VPS13B: variants seen among roughly 807,000 people sequenced by gnomAD.
VPS13B encodes intermembrane lipid transfer protein VPS13B.
A neutral mutation model predicts 426.4 loss-of-function variants in VPS13B; 285 were observed. The observed-to-expected ratio is 0.67, with a 90% CI of 0.61 to 0.74. VPS13B has a LOEUF of 0.74. Ranked by LOEUF, VPS13B falls within the 30% of genes least tolerant of loss-of-function variation. VPS13B has a pLI of 0.00. For missense variants in VPS13B, 4,537 were observed against 4,782.6 expected (o/e 0.95, Z 1.51); for synonymous variants, 1,676 against 1,676.4 (o/e 1.00, Z 0.01).
chr8:99,505,770 C>T (rs1439545522), intron 27 of VPS13B, among the ~76,000 whole-genome samples: 1 of 152,056 alleles, frequency 6.6e-6, no homozygotes, highest in African/African-American at 2.4e-5. Flanking sequence ...TGTAAGGCTG[C>T]CACAGACCTT....
At chr8:99,718,679 T>C (rs1472519677) in intron 37 of VPS13B, among the ~76,000 whole-genome samples, 1 of 151,912 alleles carries the variant, frequency 6.6e-6, no homozygotes, top group Non-Finnish European at 1.5e-5. Context: ...TTCTTTTTTT[T>C]TTTTTGAGAC....
chr8:99,038,678 ACTTT>A, intron 3 of VPS13B, 112 bp downstream of exon 3: 4 of 463,550 alleles, frequency 8.6e-6, no homozygotes, highest in South Asian at 3.5e-5. Context: ...TAGCTTATAT[ACTTT>A]TTTTTTTTTT....
intron 17 of VPS13B, among the ~76,000 whole-genome samples, chr8:99,207,522 G>A (rs1186931316): frequency 6.6e-6 from 1 of 152,112 alleles, no homozygotes; most frequent in Non-Finnish European, 1.5e-5. Flanking sequence ...GTACAGAGTA[G>A]ATTTGAGAAA....
At chr8:99,181,111 T>C (rs958585074) in intron 16 of VPS13B, among the ~76,000 whole-genome samples, 1 of 152,164 alleles carries the variant, frequency 6.6e-6, no homozygotes, top group Non-Finnish European at 1.5e-5. Flanking sequence ...TTAGTTATGA[T>C]AAAATGGAAA....
intron 28 of VPS13B, chr8:99,507,976 A>G (rs1821589098): frequency 4.4e-6 from 7 of 1,606,872 alleles, no homozygotes; most frequent in Non-Finnish European, 6.0e-6. Context: ...AAGGAATTGA[A>G]TGATTCATAG....
At chr8:99,418,459 CTTTCTTTCTT>C (rs1239408753) in intron 21 of VPS13B, among the ~76,000 whole-genome samples, 11 of 37,476 alleles carry the variant, frequency 2.9e-4, no homozygotes, top group African/African-American at 9.0e-4. Context: ...TCATAGTTTT[CTTTCTTTCTT>C]TCTTTCTTTC....
At chr8:99,828,398 T>G (rs1461911754) in intron 51 of VPS13B, among the ~76,000 whole-genome samples, 30 of 34,802 alleles carry the variant, frequency 8.6e-4, no homozygotes, top group East Asian at 4.8e-3. Context: ...ACCACCGTTT[T>G]TTTTTTTTTT....
intron 33 of VPS13B, among the ~76,000 whole-genome samples, chr8:99,587,030 T>C (rs908335113): frequency 6.6e-6 from 1 of 152,088 alleles, no homozygotes; most frequent in African/African-American, 2.4e-5. Flanking sequence ...TGTCCAAGTG[T>C]TCTCATTGTT....
At chr8:99,412,333 T>C (rs1404319171) in intron 21 of VPS13B, among the ~76,000 whole-genome samples, 2 of 152,256 alleles carry the variant, frequency 1.3e-5, no homozygotes, top group South Asian at 2.1e-4. Flanking sequence ...TTAGTATCAA[T>C]TGTGAATGGG....
chr8:99,632,012 C>G (rs1345728443), intron 33 of VPS13B, among the ~76,000 whole-genome samples: 2 of 151,620 alleles, frequency 1.3e-5, no homozygotes, highest in Non-Finnish European at 2.9e-5. Context: ...ATATTATTAA[C>G]CAAATAATAT....
At chr8:99,821,760 A>G (rs1297038959) in intron 50 of VPS13B, among the ~76,000 whole-genome samples, 1 of 152,198 alleles carries the variant, frequency 6.6e-6, no homozygotes, top group African/African-American at 2.4e-5. Flanking sequence ...GGAGAAAATG[A>G]ACTTACTCCA....
At chr8:99,210,202 C>G (rs988897108) in intron 17 of VPS13B, among the ~76,000 whole-genome samples, 4 of 152,146 alleles carry the variant, frequency 2.6e-5, no homozygotes, top group African/African-American at 7.2e-5. Context: ...TTACTTCTAC[C>G]TGTATTATGC....
intron 19 of VPS13B, among the ~76,000 whole-genome samples, chr8:99,357,676 A>G (rs1438050813): frequency 6.6e-6 from 1 of 152,082 alleles, no homozygotes; most frequent in Non-Finnish European, 1.5e-5. Context: ...TTGATCCCCC[A>G]TTTTAGTACT....
intron 19 of VPS13B, among the ~76,000 whole-genome samples, chr8:99,283,759 C>T (rs111669639): frequency 2.0e-5 from 3 of 152,060 alleles, no homozygotes; most frequent in African/African-American, 4.8e-5. Context: ...AAAGATGTTA[C>T]GCATAAAAGT....
chr8:99,669,449 A>T (rs1290801390), intron 35 of VPS13B, among the ~76,000 whole-genome samples: 1 of 152,148 alleles, frequency 6.6e-6, no homozygotes, highest in African/African-American at 2.4e-5. Flanking sequence ...AAATGACAAC[A>T]AAGAACAAAA....
chr8:99,241,845 T>C (rs187792997), intron 17 of VPS13B, among the ~76,000 whole-genome samples: 1 of 152,198 alleles, frequency 6.6e-6, no homozygotes, highest in African/African-American at 2.4e-5. Context: ...AATGAGATAC[T>C]TTATGTCTGT....
chr8:99,617,740 A>C (rs967775716), intron 33 of VPS13B, among the ~76,000 whole-genome samples: 1 of 152,216 alleles, frequency 6.6e-6, no homozygotes, highest in African/African-American at 2.4e-5. Flanking sequence ...CTATACTTAC[A>C]CATCCATTAC....
intron 23 of VPS13B, among the ~76,000 whole-genome samples, chr8:99,463,083 A>G (rs1276356514): frequency 6.6e-6 from 1 of 152,088 alleles, no homozygotes; most frequent in East Asian, 1.9e-4. Flanking sequence ...AGGAGTCTTC[A>G]ATACCAATTT....
Position 99,158,414 on chromosome 8 carries a change from T to C in VPS13B, c.2208+1671T>C, listed in dbSNP as rs575190364. The stretch of plus-strand genomic sequence containing the variant: ...CGGGTGTGGTGGTGTGTGCCTGTAA[T>C]CTCAGCTACTCAGGAGGCTGAGGCA... On this transcript the variant is annotated intron_variant, in intron 15 of 61. Coordinates refer to ENST00000357162, the MANE Select transcript of VPS13B (RefSeq NM_152564.5). Among the ~76,000 whole-genome samples the C allele has an allele frequency of 4.7e-4, 71 of 152,210 alleles. 1 individual carries two copies. Among genetic ancestry groups the C allele is most frequent in the African/African-American group, 1.7e-3 (69 of 41,542 alleles).
Sources: allele counts gnomAD v4.1 joint callset (sites outside exome capture counted in the v4.1 genomes callset), GRCh38; gene constraint gnomAD v4.1.1; transcripts MANE v1.5; gene names NCBI Gene and HGNC (gene_info 2026-07-23, HGNC 2026-07-21).